CACNG3: variants seen among roughly 807,000 people sequenced by gnomAD.
CACNG3 encodes calcium voltage-gated channel auxiliary subunit gamma 3.
CACNG3 carries 3 observed loss-of-function variants against 28.5 expected under a neutral mutation model. The ratio of observed to expected loss-of-function variants is 0.11; its 90% CI spans 0.05 to 0.27. CACNG3 has a LOEUF of 0.27. CACNG3 is among the 10% of genes least tolerant of loss of function. CACNG3 has a pLI of 1.00. For synonymous variants in CACNG3, 174 were observed against 162.2 expected (o/e 1.07, Z -0.55); for missense variants, 236 against 414.4 (o/e 0.57, Z 3.74).
At chr16:24,267,156 C>T (rs373629979) in intron 1 of CACNG3, among the ~76,000 whole-genome samples, 26 of 151,972 alleles carry the variant, frequency 1.7e-4, no homozygotes, top group African/African-American at 5.3e-4. Flanking sequence ...TTAGTAAAGA[C>T]GGGGTTTCAC....
At chr16:24,334,156 A>G (rs1596646691) in intron 1 of CACNG3, among the ~76,000 whole-genome samples, 1 of 152,316 alleles carries the variant, frequency 6.6e-6, no homozygotes, top group East Asian at 1.9e-4. Flanking sequence ...TCTTCACAAA[A>G]GAGTTCTAGC....
chr16:24,266,968 CT>C (rs750145274), intron 1 of CACNG3, among the ~76,000 whole-genome samples: 3,378 of 137,282 alleles, frequency 0.025, 50 homozygotes, highest in African/African-American at 0.05. Flanking sequence ...TTTTTAATTT[CT>C]TTTTTTTTTT....
rs1009838358 is a variant in CACNG3, at chr16:24,327,127, A to G, written c.212-19607A>G. Among the ~76,000 whole-genome samples, 29 of 26,678 alleles carry G rather than the reference A, an allele frequency of 1.1e-3. No individual in the cohort carries two copies. The South Asian group carries it at 0.046, about 42-fold the overall frequency. 17.5% of individuals were successfully genotyped at this position (26,678 alleles called of 152,430 possible). On this transcript the variant is annotated intron_variant, in intron 1 of 3. Transcript: ENST00000005284. ...GTGGCCAAGGCAGGGGCTCCAAACC[A>G]AAAAAAAAAAAAAAAAAAAAAAAAA...
chr16:24,327,458 AC>A, intron 1 of CACNG3, among the ~76,000 whole-genome samples: 1 of 111,950 alleles, frequency 8.9e-6, no homozygotes. Context: ...ATATATATAC[AC>A]ACACACACAC....
chr16:24,350,168 C>G (rs554088317), intron 2 of CACNG3, among the ~76,000 whole-genome samples: 4 of 152,224 alleles, frequency 2.6e-5, no homozygotes, highest in Non-Finnish European at 5.9e-5. Context: ...GAGGCAGACA[C>G]TTATAGCCAG....
chr16:24,357,356 G>A (rs1047166386), intron 3 of CACNG3, among the ~76,000 whole-genome samples: 1 of 152,038 alleles, frequency 6.6e-6, no homozygotes, highest in Non-Finnish European at 1.5e-5. Flanking sequence ...TTTACACATG[G>A]GGATTATTAA....
intron 1 of CACNG3, among the ~76,000 whole-genome samples, chr16:24,324,575 A>G (rs1899512336): frequency 1.3e-5 from 2 of 151,786 alleles, no homozygotes; most frequent in Non-Finnish European, 2.9e-5. Context: ...CATTGCCCCC[A>G]CCCCAGATCA....
At chr16:24,353,515 C>T (rs1286620557) in intron 2 of CACNG3, among the ~76,000 whole-genome samples, 1 of 152,174 alleles carries the variant, frequency 6.6e-6, no homozygotes, top group Non-Finnish European at 1.5e-5. Flanking sequence ...ACCTTAGGGC[C>T]TTCCATGATC....
chr16:24,340,853 C>T (rs1351509042), intron 1 of CACNG3, among the ~76,000 whole-genome samples: 2 of 152,204 alleles, frequency 1.3e-5, no homozygotes, highest in African/African-American at 2.4e-5. Context: ...GTCACCTGGG[C>T]TCCTGTCCTC....
chr16:24,345,999 A>G (rs1899860316), intron 1 of CACNG3, among the ~76,000 whole-genome samples: 1 of 152,210 alleles, frequency 6.6e-6, no homozygotes, highest in Non-Finnish European at 1.5e-5. Context: ...TACTTACCTG[A>G]GTGATTTCAA....
chr16:24,333,521 G>A (rs1275743937), intron 1 of CACNG3: 1 of 152,342 alleles, frequency 6.6e-6, no homozygotes. Context: ...ATGATCGACA[G>A]TGCCCATTCT....
At chr16:24,329,654 A>C (rs551356378) in intron 1 of CACNG3, among the ~76,000 whole-genome samples, 56 of 152,270 alleles carry the variant, frequency 3.7e-4, no homozygotes, top group Middle Eastern at 6.8e-3. Flanking sequence ...GTGTCACATT[A>C]GGGTCAAAAA....
intron 1 of CACNG3, among the ~76,000 whole-genome samples, chr16:24,290,894 G>A (rs1022097818): frequency 7.2e-5 from 11 of 152,166 alleles, no homozygotes; most frequent in African/African-American, 1.9e-4. Context: ...AGATAGGGAT[G>A]GCTTCCTTCC....
chr16:24,354,804 G>A, intron 2 of CACNG3, 29 bp from the exon 3 acceptor site: 1 of 1,607,658 alleles, frequency 6.2e-7, no homozygotes, highest in Non-Finnish European at 8.5e-7. Context: ...GCTGGGCACA[G>A]GCAGAAGCCT....
Position 24,361,302 on chromosome 16 carries a change from T to C in CACNG3, c.437-50T>C. Reference sequence around the variant, plus strand: ...AATATTTTAAGATGGAAAGTGACAGTTCTCTCCGAGGTGTATAAAGGACGT... The same window carrying C: ...AATATTTTAAGATGGAAAGTGACAGCTCTCTCCGAGGTGTATAAAGGACGT... On this transcript the variant is annotated intron_variant, in intron 3 of 3. Coordinates refer to ENST00000005284, the MANE Select transcript of CACNG3 (RefSeq NM_006539.4). The surrounding 1 kb of genome is among the most constrained non-coding windows in gnomAD (Gnocchi z 6.8). 7.5e-7 allele frequency: 1 copy of C among 1,341,124 alleles called. No individual in the cohort carries two copies. The highest frequency in any genetic ancestry group is 1.0e-6 in the Non-Finnish European group (1 of 973,864). The allele number at this position is 1,341,124 out of a possible 1,614,324, so 83.1% of individuals were successfully genotyped here.
At chr16:24,334,839 C>T (rs1048652412) in intron 1 of CACNG3, among the ~76,000 whole-genome samples, 6 of 152,222 alleles carry the variant, frequency 3.9e-5, no homozygotes, top group African/African-American at 9.6e-5. Flanking sequence ...CCTGGGTTAG[C>T]GCTCTGTGAG....
chr16:24,296,286 A>G (rs1899031327), intron 1 of CACNG3, among the ~76,000 whole-genome samples: 3 of 152,202 alleles, frequency 2.0e-5, no homozygotes, highest in South Asian at 2.1e-4. Context: ...CTGAGAGTCT[A>G]CAACTTTCCA....
intron 1 of CACNG3, among the ~76,000 whole-genome samples, chr16:24,335,214 G>A (rs1432617285): frequency 2.6e-5 from 4 of 152,154 alleles, no homozygotes; most frequent in Non-Finnish European, 4.4e-5. Context: ...GAGGTCAGGA[G>A]TTCAAGACCA....
chr16:24,337,131 A>T (rs768092463), intron 1 of CACNG3, among the ~76,000 whole-genome samples: 37 of 152,292 alleles, frequency 2.4e-4, no homozygotes, highest in Non-Finnish European at 4.6e-4. Context: ...GGATTTCAAG[A>T]TAGGAATCTT....
Sources: allele counts gnomAD v4.1 joint callset (sites outside exome capture counted in the v4.1 genomes callset), GRCh38; gene constraint gnomAD v4.1.1; non-coding constraint Gnocchi (gnomAD v3.1); transcripts MANE v1.5; gene names NCBI Gene and HGNC (gene_info 2026-07-23, HGNC 2026-07-21).